Variants in CDC16 observed in about 807,000 individuals in gnomAD.
CDC16 encodes the protein cell division cycle protein 16 homolog.
Under a neutral mutation model 87.0 loss-of-function variants are expected in CDC16, and 34 were observed. That is an observed-to-expected ratio of 0.39 (90% CI 0.30 to 0.52). CDC16 has a LOEUF of 0.52. CDC16 is among the 20% of genes least tolerant of loss of function. The pLI, the probability that CDC16 is intolerant of heterozygous loss-of-function variation, is 0.74. For missense variants in CDC16, 653 were observed against 751.9 expected (o/e 0.87, Z 1.54); for synonymous variants, 263 against 260.6 (o/e 1.01, Z -0.09).
At chr13:114,245,074 A>G (rs2138929018) in intron 9 of CDC16, 105 bp downstream of exon 9, 1 of 627,364 alleles carries the variant, frequency 1.6e-6, no homozygotes, top group South Asian at 2.1e-5. Flanking sequence ...ATTGCAGGTA[A>G]CAACATAATG....
intron 17 of CDC16, among the ~76,000 whole-genome samples, chr13:114,271,672 T>C (rs371829347): frequency 6.6e-6 from 1 of 151,404 alleles, no homozygotes; most frequent in East Asian, 2.0e-4. Flanking sequence ...TAGTAGAGAC[T>C]GGGTTTCACC....
At chr13:114,242,482 G>C in intron 6 of CDC16, 1 of 535,990 alleles carries the variant, frequency 1.9e-6, no homozygotes, top group Non-Finnish European at 3.3e-6. Context: ...TCTAGGGATT[G>C]TGATAGGAAG....
At chr13:114,238,896 T>C (rs1280438677) in intron 3 of CDC16, 94 bp from the exon 4 acceptor site, 2 of 1,450,688 alleles carry the variant, frequency 1.4e-6, no homozygotes, top group Non-Finnish European at 1.9e-6. Context: ...GGAGAAATTA[T>C]GAAATTAGTT....
chr13:114,268,763 C>T (rs1308602862), intron 17 of CDC16, among the ~76,000 whole-genome samples: 2 of 152,074 alleles, frequency 1.3e-5, no homozygotes, highest in Non-Finnish European at 2.9e-5. Context: ...AAAGCTGCAG[C>T]GATCACGCCA....
At chr13:114,246,568 A>G (rs1360249081) in intron 10 of CDC16, among the ~76,000 whole-genome samples, 4 of 152,242 alleles carry the variant, frequency 2.6e-5, no homozygotes, top group East Asian at 1.9e-4. Flanking sequence ...ACCCTATCCC[A>G]GTGTGAAACC....
intron 14 of CDC16, 50 bp from the exon 15 acceptor site, chr13:114,261,837 G>T (rs2082879233): frequency 7.6e-7 from 1 of 1,314,132 alleles, no homozygotes; most frequent in African/African-American, 1.5e-5. Context: ...AACAAATCAG[G>T]CTGAACAGTG....
intron 13 of CDC16, among the ~76,000 whole-genome samples, chr13:114,257,648 G>A (rs1168409410): frequency 6.6e-6 from 1 of 152,158 alleles, no homozygotes; most frequent in Non-Finnish European, 1.5e-5. Context: ...TTCCTGGTCA[G>A]TGTAGGCTTT....
chr13:114,256,989 T>A, intron 12 of CDC16, 89 bp from the exon 13 acceptor site: 2 of 798,030 alleles, frequency 2.5e-6, no homozygotes, highest in African/African-American at 3.5e-5. Context: ...CTTTAAATTA[T>A]TTTGCAGATA....
intron 14 of CDC16, 145 bp from the exon 15 acceptor site, chr13:114,261,742 A>G: frequency 1.9e-6 from 1 of 536,726 alleles, no homozygotes; most frequent in Non-Finnish European, 3.4e-6. Context: ...GATAGATAAA[A>G]CAGCAGTTAC....
At chr13:114,248,121 C>G (rs2081969223) in intron 11 of CDC16, among the ~76,000 whole-genome samples, 1 of 152,162 alleles carries the variant, frequency 6.6e-6, no homozygotes, top group African/African-American at 2.4e-5. Context: ...GTGGTTTTAA[C>G]TTAAGGAAAG....
At chr13:114,252,914 G>T (rs2082275837) in intron 12 of CDC16, among the ~76,000 whole-genome samples, 2 of 151,602 alleles carry the variant, frequency 1.3e-5, no homozygotes, top group African/African-American at 4.9e-5. Context: ...TGGGAGGATT[G>T]CTTGAGGCCA....
At chr13:114,257,301 T>A in intron 13 of CDC16, 71 bp downstream of exon 13, 146 of 865,340 alleles carry the variant, frequency 1.7e-4, no homozygotes, top group East Asian at 3.2e-4. Context: ...TCACTAGAGT[T>A]CACTGACAAA....
intron 12 of CDC16, among the ~76,000 whole-genome samples, chr13:114,251,166 C>T (rs1053635263): frequency 5.9e-5 from 9 of 152,108 alleles, no homozygotes; most frequent in African/African-American, 2.2e-4. Flanking sequence ...TCGGTTACAA[C>T]TTACAGGGTT....
At chr13:114,256,079 A>G (rs1346614876) in intron 12 of CDC16, among the ~76,000 whole-genome samples, 1 of 152,224 alleles carries the variant, frequency 6.6e-6, no homozygotes, top group Non-Finnish European at 1.5e-5. Context: ...AGGTTAATGC[A>G]AAGCTAGGGA....
intron 9 of CDC16, 42 bp downstream of exon 9, chr13:114,245,011 A>G (rs2081779716): frequency 8.3e-7 from 1 of 1,200,078 alleles, no homozygotes. Flanking sequence ...TAGACATAAA[A>G]CAAATCTTTT....
chr13:114,250,067 A>C (rs991751150), intron 11 of CDC16, among the ~76,000 whole-genome samples: 2 of 152,206 alleles, frequency 1.3e-5, no homozygotes, highest in African/African-American at 4.8e-5. Context: ...TCGTGCCTGT[A>C]ATCTCAGTGA....
chr13:114,266,447 C>T (rs1442954871), intron 17 of CDC16, among the ~76,000 whole-genome samples: 1 of 152,190 alleles, frequency 6.6e-6, no homozygotes, highest in East Asian at 1.9e-4. Flanking sequence ...AACTGAGGCA[C>T]ATCACAGTTT....
At chr13:114,242,421 G>T in intron 6 of CDC16, 141 bp downstream of exon 6, 1 of 731,682 alleles carries the variant, frequency 1.4e-6, no homozygotes, top group East Asian at 2.6e-5. Flanking sequence ...GTCTTCAAAT[G>T]TAAAGCACGT....
chr13:114,254,080 A>G (rs2082357460), intron 12 of CDC16, among the ~76,000 whole-genome samples: 2 of 152,022 alleles, frequency 1.3e-5, no homozygotes, highest in Non-Finnish European at 2.9e-5. Context: ...TTTTTTTTAT[A>G]AAGTCTGTTT....
Sources: gnomAD v4.1 joint callset for allele counts (sites outside exome capture counted in the v4.1 genomes callset) on GRCh38, gnomAD v4.1.1 for gene constraint, MANE v1.5 for transcripts, NCBI Gene and HGNC (gene_info 2026-07-23, HGNC 2026-07-21) for gene names.